Variants in C8orf34 observed in about 807,000 individuals in gnomAD.
The protein encoded by C8orf34 is chromosome 8 open reading frame 34, also known as uncharacterized protein C8orf34.
C8orf34 carries 65 observed loss-of-function variants against 68.3 expected under a neutral mutation model. The observed-to-expected ratio is 0.95, with a 90% confidence interval of 0.78 to 1.17. The LOEUF (loss-of-function observed/expected upper bound fraction) is 1.17. Ranked by LOEUF, C8orf34 falls within the 50% of genes most tolerant of loss-of-function variation. C8orf34 has a pLI of 0.00. For missense variants in C8orf34, 664 were observed against 655.4 expected, an observed-to-expected ratio of 1.01 and a Z score of -0.14; for synonymous variants, 244 against 241.2, an observed-to-expected ratio of 1.01 and a Z score of -0.11.
intron 7 of C8orf34, among the ~76,000 whole-genome samples, chr8:68,539,224 C>T (rs1586344812): frequency 6.6e-6 from 1 of 152,084 alleles, no homozygotes; most frequent in African/African-American, 2.4e-5. Context: ...AATGGTGATG[C>T]TATATTTCAA....
intron 1 of C8orf34, among the ~76,000 whole-genome samples, chr8:68,357,887 C>CT (rs777068910): frequency 4.6e-5 from 7 of 152,246 alleles, no homozygotes; most frequent in Admixed American, 3.3e-4. Flanking sequence ...CTCCTCCCCA[C>CT]TTTTTTTGCT....
In C8orf34 at chr8:68,787,463, G is replaced by T; in HGVS notation, c.1476G>T (p.Leu492Phe). The T allele has an allele frequency of 6.2e-7, 1 of 1,611,872 alleles. No individual in the cohort carries two copies. Among genetic ancestry groups the T allele is most frequent in the Non-Finnish European group, 8.5e-7 (1 of 1,178,578 alleles). ...YMEEDESLKQ[L>F]QVVHQPWILP... Reference sequence around the variant, plus strand: ...TGCAGGATGAATCCTTAAAGCAATTGCAGGTAGTTCATCAACCATGGATCT... The same window carrying T: ...TGCAGGATGAATCCTTAAAGCAATTTCAGGTAGTTCATCAACCATGGATCT... The change falls in exon 12 of 14, where the codon TTG becomes TTT. Residue 492 changes from leucine (L) to phenylalanine (F), a missense_variant. Leu to Phe is a conservative substitution (Grantham distance 22). Transcript: ENST00000518698.
chr8:68,655,885 A>G (rs1819498226), intron 8 of C8orf34, among the ~76,000 whole-genome samples: 1 of 152,224 alleles, frequency 6.6e-6, no homozygotes, highest in African/African-American at 2.4e-5. Context: ...ACTGGTAATT[A>G]TGCTGAATAT....
intron 8 of C8orf34, among the ~76,000 whole-genome samples, chr8:68,688,902 T>C (rs891650606): frequency 1.5e-4 from 23 of 152,034 alleles, no homozygotes; most frequent in African/African-American, 5.3e-4. Flanking sequence ...ACGTGATGGG[T>C]TGATAGGTGC....
At chr8:68,779,557 G>C (rs1823617103) in intron 11 of C8orf34, among the ~76,000 whole-genome samples, 2 of 152,126 alleles carry the variant, frequency 1.3e-5, no homozygotes, top group Non-Finnish European at 2.9e-5. Context: ...GGCTTTGCCA[G>C]ATGTGCCATC....
intron 13 of C8orf34, among the ~76,000 whole-genome samples, chr8:68,817,341 T>C (rs1029683481): frequency 6.6e-6 from 1 of 152,078 alleles, no homozygotes; most frequent in Admixed American, 6.6e-5. Context: ...TAATATGCAG[T>C]TGATAAAAGA....
chr8:68,454,933 C>T (rs551735545), intron 3 of C8orf34, among the ~76,000 whole-genome samples: 5 of 151,894 alleles, frequency 3.3e-5, no homozygotes, highest in South Asian at 2.1e-4. Context: ...CCTTAAGGTT[C>T]GGTATGTTGT....
At chr8:68,791,179 T>C (rs552670693) in intron 12 of C8orf34, 7 of 411,802 alleles carry the variant, frequency 1.7e-5, no homozygotes, top group African/African-American at 1.4e-4. Flanking sequence ...TGACTCACAG[T>C]TCCCCATGTC....
chr8:68,440,684 G>A (rs1443460506), intron 2 of C8orf34, among the ~76,000 whole-genome samples: 1 of 152,126 alleles, frequency 6.6e-6, no homozygotes, highest in Non-Finnish European at 1.5e-5. Context: ...TTGGTTTGTA[G>A]GTACTAAGAT....
intron 8 of C8orf34, among the ~76,000 whole-genome samples, chr8:68,656,779 C>A (rs1819522201): frequency 6.6e-6 from 1 of 152,146 alleles, no homozygotes. Context: ...TTCCTGGATC[C>A]AATCTTCACC....
chr8:68,433,040 TG>T (rs2129624996), intron 1 of C8orf34, among the ~76,000 whole-genome samples: 1 of 152,308 alleles, frequency 6.6e-6, no homozygotes, highest in East Asian at 1.9e-4. Context: ...AATACATTTT[TG>T]GAGGCAACCA....
intron 1 of C8orf34, among the ~76,000 whole-genome samples, chr8:68,386,888 G>A (rs942695515): frequency 4.6e-5 from 7 of 152,020 alleles, no homozygotes; most frequent in Admixed American, 1.3e-4. Flanking sequence ...TCCCCCAGCC[G>A]TGACAATGAA....
intron 7 of C8orf34, among the ~76,000 whole-genome samples, chr8:68,624,145 G>A (rs990919456): frequency 4.6e-5 from 7 of 151,702 alleles, no homozygotes; most frequent in Admixed American, 2.0e-4. Flanking sequence ...GGTGGTGCAC[G>A]CCTGTAATCC....
chr8:68,419,326 C>G (rs1448130592), intron 1 of C8orf34, among the ~76,000 whole-genome samples: 4 of 147,730 alleles, frequency 2.7e-5, no homozygotes, highest in Non-Finnish European at 6.0e-5. Flanking sequence ...AGTCAGGAAA[C>G]AACAGGTGCT....
chr8:68,818,230 C>G lies in C8orf34; in HGVS notation c.1610-9C>G, dbSNP rs762205832. On this transcript the variant is annotated splice_polypyrimidine_tract_variant and intron_variant, in intron 13 of 13. Transcript: ENST00000518698. The stretch of plus-strand genomic sequence containing the variant: ...GCACATTTTCTTCTGTTTCATTTCT[C>G]CTCTGCAGGTTTGTGAAACAGAGAG... The G allele has an allele frequency of 5.6e-6, 9 of 1,612,174 alleles. No homozygotes were observed. The South Asian group carries it at 9.9e-5, about 18-fold the overall frequency.
intron 7 of C8orf34, among the ~76,000 whole-genome samples, chr8:68,621,058 A>G (rs572991536): frequency 4.6e-5 from 7 of 152,300 alleles, no homozygotes; most frequent in East Asian, 1.9e-4. Flanking sequence ...AATCTATTCA[A>G]TATGTTTTAT....
At chr8:68,407,855 T>C (rs1809265436) in intron 1 of C8orf34, among the ~76,000 whole-genome samples, 1 of 152,196 alleles carries the variant, frequency 6.6e-6, no homozygotes, top group African/African-American at 2.4e-5. Context: ...TTTGGCAATA[T>C]ATTTTAAACC....
intron 12 of C8orf34, chr8:68,791,010 A>C (rs2958318): frequency 0.013 from 8,072 of 598,256 alleles, 81 homozygotes; most frequent in Non-Finnish European, 0.02. Context: ...CTCATCTATA[A>C]ATAAGTTTGA....
At chr8:68,651,072 TA>T (rs775380816) in intron 8 of C8orf34, among the ~76,000 whole-genome samples, 44 of 152,354 alleles carry the variant, frequency 2.9e-4, no homozygotes, top group Non-Finnish European at 5.6e-4. Context: ...TCTATCTGCC[TA>T]AATTTCTTTC....
Sources: allele counts gnomAD v4.1 joint callset (sites outside exome capture counted in the v4.1 genomes callset), GRCh38; gene constraint gnomAD v4.1.1; transcripts MANE v1.5; gene names NCBI Gene and HGNC (gene_info 2026-07-23, HGNC 2026-07-21).